Variants in DAB1 observed in about 807,000 individuals in gnomAD.
The protein encoded by DAB1 is DAB adaptor protein 1, also known as disabled homolog 1.
DAB1 carries 15 observed loss-of-function variants against 64.6 expected under a neutral mutation model. The ratio of observed to expected loss-of-function variants is 0.23; its 90% CI spans 0.16 to 0.36. The LOEUF is 0.36. Among genes scored for constraint, DAB1 ranks in the 10% least tolerant of loss-of-function variants. The pLI, the probability that DAB1 is intolerant of heterozygous loss-of-function variation, is 1.00. For synonymous variants in DAB1, 235 were observed against 251.9 expected, an observed-to-expected ratio of 0.93 and a Z score of 0.64; for missense variants, 596 against 706.7, an observed-to-expected ratio of 0.84 and a Z score of 1.78.
At chr1:58,244,105 A>G (rs540926486) in intron 4 of DAB1, among the ~76,000 whole-genome samples, 1 of 152,208 alleles carries the variant, frequency 6.6e-6, no homozygotes, top group South Asian at 2.1e-4. Flanking sequence ...TTGCCATGTG[A>G]CTCTCAGCAT....
At position 58,301,534 on chromosome 1, in the gene DAB1, A is replaced by C. The variant is rs189138179; in HGVS notation, n.309+41818T>G. On this transcript the variant is annotated intron_variant and non_coding_transcript_variant, in intron 4 of 20. Coordinates refer to the DAB1 transcript ENST00000485760. ...CATCAGCTATCATTAGTGTTAGTCT[A>C]TTTTATGTGTGGGCCAAGACAATTC... Among the ~76,000 whole-genome samples the C allele has an allele frequency of 3.9e-5, 6 of 152,172 alleles. No homozygotes were observed. In the East Asian group the frequency reaches 9.7e-4, roughly 25 times the overall value.
At chr1:58,376,803 T>G (rs1300873712) in intron 3 of DAB1, among the ~76,000 whole-genome samples, 1 of 105,314 alleles carries the variant, frequency 9.5e-6, no homozygotes, top group African/African-American at 3.9e-5. Context: ...ATTATTAATG[T>G]GTGGGAGTCT....
chr1:57,096,509 T>C (rs902940351), intron 4 of DAB1, among the ~76,000 whole-genome samples: 11 of 152,304 alleles, frequency 7.2e-5, no homozygotes, highest in African/African-American at 2.4e-4. Context: ...GCCTGTATGT[T>C]TCTGCTCTGC....
intron 9 of DAB1, among the ~76,000 whole-genome samples, chr1:57,056,737 G>A (rs998070595): frequency 3.9e-5 from 6 of 151,956 alleles, no homozygotes; most frequent in East Asian, 3.9e-4. Flanking sequence ...AGTGGTGCAC[G>A]CCTGCAATCC....
intron 5 of DAB1, among the ~76,000 whole-genome samples, chr1:57,905,958 C>T (rs1210508249): frequency 1.3e-5 from 2 of 152,148 alleles, no homozygotes; most frequent in Non-Finnish European, 2.9e-5. Flanking sequence ...TTTGTCATTG[C>T]CTGAATGACA....
At chr1:58,346,826 T>C (rs1371428344) in intron 3 of DAB1, among the ~76,000 whole-genome samples, 3 of 152,188 alleles carry the variant, frequency 2.0e-5, no homozygotes, top group Non-Finnish European at 4.4e-5. Flanking sequence ...ATGTGTGAAA[T>C]GCTTAAAACT....
At chr1:58,065,637 A>G (rs1244627987) in intron 5 of DAB1, among the ~76,000 whole-genome samples, 1 of 152,182 alleles carries the variant, frequency 6.6e-6, no homozygotes, top group Non-Finnish European at 1.5e-5. Flanking sequence ...CGCAGTGGCC[A>G]TGGTCAAGTT....
chr1:58,126,103 T>A (rs1281474563), intron 5 of DAB1, among the ~76,000 whole-genome samples: 1 of 152,180 alleles, frequency 6.6e-6, no homozygotes, highest in Non-Finnish European at 1.5e-5. Flanking sequence ...AGCATCAAAC[T>A]TATTTGGTCC....
At chr1:57,884,521 A>C (rs905231222), upstream of DAB1, among the ~76,000 whole-genome samples, 6 of 152,264 alleles carry the variant, frequency 3.9e-5, no homozygotes, top group African/African-American at 1.4e-4. Flanking sequence ...CACTTGGATG[A>C]ATCTATCTGT....
At chr1:57,788,768 T>C (rs566839506) in intron 6 of DAB1, among the ~76,000 whole-genome samples, 3 of 152,266 alleles carry the variant, frequency 2.0e-5, no homozygotes, top group Admixed American at 2.0e-4. Context: ...TTTTACTTCA[T>C]AGAGTACACA....
intron 4 of DAB1, among the ~76,000 whole-genome samples, chr1:57,116,799 A>G (rs975091682): frequency 5.3e-5 from 8 of 152,230 alleles, no homozygotes; most frequent in African/African-American, 1.9e-4. Flanking sequence ...TGAAATATAC[A>G]GCAGGAGAAA....
chr1:57,583,253 C>T (rs1428695030), intron 7 of DAB1, among the ~76,000 whole-genome samples: 2 of 151,896 alleles, frequency 1.3e-5, no homozygotes, highest in Admixed American at 6.6e-5. Context: ...TAGACACATG[C>T]CCTCTCTGAG....
chr1:57,583,099 C>G (rs1010876200), intron 7 of DAB1, among the ~76,000 whole-genome samples: 1 of 152,106 alleles, frequency 6.6e-6, no homozygotes, highest in African/African-American at 2.4e-5. Flanking sequence ...GCTGAGTTAG[C>G]AGAAGCTGGA....
chr1:57,443,735 C>A (rs1570525354), intron 7 of DAB1, among the ~76,000 whole-genome samples: 1 of 152,312 alleles, frequency 6.6e-6, no homozygotes, highest in East Asian at 1.9e-4. Context: ...ATTCCTACCT[C>A]CAACATGGAA....
rs560976391 is a variant in DAB1, at chr1:57,008,221, G to T, written c.*15+2459C>A. The stretch of plus-strand genomic sequence containing the variant: ...ACCAGGGCCATTCTGATTATGGGGT[G>T]GGGCAAGCCAGAGAGCTAAGCAGCA... On this transcript the variant is annotated intron_variant, in intron 14 of 14. Transcript: ENST00000371236. 3.1e-4 allele frequency among the ~76,000 whole-genome samples: 47 copies of T among 152,300 alleles called. 1 individual carries two copies. The South Asian group carries it at 5.2e-3, about 17-fold the overall frequency.
intron 7 of DAB1, among the ~76,000 whole-genome samples, chr1:57,457,641 G>T (rs1249127475): frequency 6.6e-6 from 1 of 152,146 alleles, no homozygotes; most frequent in Non-Finnish European, 1.5e-5. Flanking sequence ...AACTTAAAAT[G>T]TAACCGTAAA....
chr1:57,994,111 C>T (rs1056532495), intron 5 of DAB1, among the ~76,000 whole-genome samples: 1 of 152,162 alleles, frequency 6.6e-6, no homozygotes, highest in African/African-American at 2.4e-5. Flanking sequence ...TGCAAGGCCT[C>T]TGACTATTAA....
At chr1:57,544,744 A>G (rs1034063594) in intron 7 of DAB1, among the ~76,000 whole-genome samples, 2 of 152,172 alleles carry the variant, frequency 1.3e-5, no homozygotes, top group African/African-American at 4.8e-5. Flanking sequence ...ATTGATAGTG[A>G]GTGAGTTCTC....
chr1:58,107,603 C>CTGTTTT lies in DAB1; in HGVS notation n.387+42902_387+42907dup, dbSNP rs201044813. 9.0e-3 allele frequency among the ~76,000 whole-genome samples: 1,356 copies of CTGTTTT among 151,410 alleles called. 20 individuals are homozygous for CTGTTTT. Among genetic ancestry groups the CTGTTTT allele is most frequent in the African/African-American group, 0.032 (1,313 of 41,266 alleles). On this transcript the variant is annotated intron_variant and non_coding_transcript_variant, in intron 5 of 20. Transcript: ENST00000485760. ...AAAGGGAAGCTAGCATGTTTTTTTT[C>CTGTTTT]TGTTTTTGTTTTTGTTTTTGTTTTG...
Sources: allele counts gnomAD v4.1 joint callset (sites outside exome capture counted in the v4.1 genomes callset), GRCh38; gene constraint gnomAD v4.1.1; transcripts MANE v1.5; gene names NCBI Gene and HGNC (gene_info 2026-07-23, HGNC 2026-07-21).